Variants in R3HDM1 observed in about 807,000 individuals in gnomAD.
R3HDM1 encodes the protein R3H domain containing 1, also known as R3H domain-containing protein 1.
A neutral mutation model predicts 141.1 loss-of-function variants in R3HDM1; 46 were observed. The ratio of observed to expected loss-of-function variants is 0.33; its 90% confidence interval spans 0.26 to 0.42. The LOEUF is 0.42. Ranked by LOEUF, R3HDM1 falls within the 10% of genes least tolerant of loss-of-function variation. R3HDM1 has a pLI of 1.00. For synonymous variants in R3HDM1, 435 were observed against 472.9 expected (o/e 0.92, Z 1.04); for missense variants, 1,184 against 1,368.3 (o/e 0.87, Z 2.12).
chr2:135,549,485 C>T (rs1474438204), intron 1 of R3HDM1, among the ~76,000 whole-genome samples: 1 of 143,862 alleles, frequency 7.0e-6, no homozygotes, highest in Non-Finnish European at 1.5e-5. Flanking sequence ...CCCTTGAACT[C>T]GGGAGGCGGA....
chr2:135,566,764 C>G (rs1460520089), intron 1 of R3HDM1: 2 of 985,086 alleles, frequency 2.0e-6, no homozygotes, highest in Non-Finnish European at 2.4e-6. Flanking sequence ...ACTGTAAGCC[C>G]AGCGCGGTGG....
At position 135,709,474 on chromosome 2, in the gene R3HDM1, T is replaced by C; in HGVS notation, c.2501T>C (p.Val834Ala). 2 of 1,614,174 alleles carry C rather than the reference T, an allele frequency of 1.2e-6. No homozygotes were observed. Among genetic ancestry groups the C allele is most frequent in the East Asian group, 2.2e-5 (1 of 44,888 alleles). Residue 834 changes from valine to alanine, a missense_variant, in exon 22 of 27, where the codon GTA becomes GCA. This residue lies in a region of R3HDM1 where 563 missense variants were observed against 562.0 expected (regional missense o/e 1.00). Transcript: ENST00000683871. ...GYLQHPGSEQ[V>A]QFPRTTSPCS... ...CTGCAACATCCAGGATCAGAACAAG[T>C]ACAATTTCCTCGAACCACTTCACCA... is the stretch of plus-strand genomic sequence containing the variant.
At chr2:135,656,742 T>C (rs1461461324) in intron 18 of R3HDM1, among the ~76,000 whole-genome samples, 6 of 152,194 alleles carry the variant, frequency 3.9e-5, no homozygotes, top group Admixed American at 3.9e-4. Flanking sequence ...TGTTGCCATA[T>C]ACATTGCATC....
chr2:135,706,857 A>G (rs549509240), intron 21 of R3HDM1, among the ~76,000 whole-genome samples: 7 of 152,190 alleles, frequency 4.6e-5, no homozygotes, highest in African/African-American at 1.7e-4. Context: ...CAAAACCGCC[A>G]TTGTCATCAT....
chr2:135,604,864 G>C lies in R3HDM1; in HGVS notation c.19G>C (p.Val7Leu). ...TTTTCTAATGAGGATGTCTGATACT[G>C]TTACTGTAAAAGATGAAACTGCAAC... MRMSDT[V>L]TVKDETATMK... The change falls in exon 3 of 27, where the codon GTT becomes CTT. Residue 7 changes from valine (V) to leucine (L), a missense_variant. Physicochemically the swap from Val to Leu is conservative, Grantham distance 32. Around this residue, in one of 5 missense-constraint regions of R3HDM1, gnomAD observed 192 missense variants for 215.7 expected, o/e 0.89. Transcript: ENST00000683871. 6.2e-7 allele frequency: 1 copy of C among 1,612,244 alleles called. No homozygotes were observed. The highest frequency in any genetic ancestry group is 8.5e-7 in the Non-Finnish European group (1 of 1,178,890).
At chr2:135,639,788 G>A (rs1165665477) in intron 14 of R3HDM1, among the ~76,000 whole-genome samples, 7 of 152,008 alleles carry the variant, frequency 4.6e-5, no homozygotes, top group Admixed American at 2.6e-4. Context: ...CAAAATAAGC[G>A]TGAAAGTCAA....
chr2:135,675,653 C>T (rs112943765), intron 20 of R3HDM1, among the ~76,000 whole-genome samples, 167 bp downstream of exon 20: 1 of 151,836 alleles, frequency 6.6e-6, no homozygotes, highest in South Asian at 2.1e-4. Flanking sequence ...ACTTTATAGT[C>T]AAGAGTTTTA....
chr2:135,597,182 C>T, intron 1 of R3HDM1: 1 of 972,996 alleles, frequency 1.0e-6, no homozygotes, highest in Non-Finnish European at 1.2e-6. Context: ...CTTATAATGT[C>T]CTCCTAAAAT....
chr2:135,684,266 T>A (rs892897457), intron 21 of R3HDM1, among the ~76,000 whole-genome samples: 1 of 152,064 alleles, frequency 6.6e-6, no homozygotes, highest in Admixed American at 6.5e-5. Flanking sequence ...AATTTTTGTA[T>A]TTTTAGTAGA....
At position 135,638,721 on chromosome 2, in the gene R3HDM1, C is replaced by G. The variant is rs1200083769; in HGVS notation, c.942-18C>G. On this transcript the variant is annotated intron_variant, in intron 12 of 26. Transcript: ENST00000683871. The stretch of plus-strand genomic sequence containing the variant: ...TGATGCTAATAAAAATTAAAATGTC[C>G]TATTAAAATGCCAACAGACTCCAAG... 2.5e-6 allele frequency: 4 copies of G among 1,613,586 alleles called. No individual in the cohort carries two copies. The highest frequency in any genetic ancestry group is 3.4e-6 in the Non-Finnish European group (4 of 1,179,792).
At chr2:135,555,774 C>G (rs1221988123) in intron 1 of R3HDM1, among the ~76,000 whole-genome samples, 1 of 152,164 alleles carries the variant, frequency 6.6e-6, no homozygotes, top group African/African-American at 2.4e-5. Context: ...ATCTGTAATC[C>G]TAGCACTTTG....
chr2:135,673,339 C>T (rs961471437), intron 19 of R3HDM1, among the ~76,000 whole-genome samples: 59 of 152,130 alleles, frequency 3.9e-4, no homozygotes, highest in African/African-American at 1.4e-3. Flanking sequence ...CTGCAATAGA[C>T]GTGTATGTGT....
intron 1 of R3HDM1, among the ~76,000 whole-genome samples, chr2:135,542,286 G>A (rs1305782411): frequency 6.6e-6 from 1 of 152,144 alleles, no homozygotes; most frequent in African/African-American, 2.4e-5. Flanking sequence ...ATTTTTAAAT[G>A]AATATCCTCT....
At position 135,703,751 on chromosome 2, in the gene R3HDM1, A is replaced by G. The variant is rs140995799; in HGVS notation, c.2460-5682A>G. 3.3e-3 allele frequency among the ~76,000 whole-genome samples: 497 copies of G among 152,340 alleles called. 2 individuals are homozygous for G. Among genetic ancestry groups the G allele is most frequent in the African/African-American group, 0.011 (469 of 41,574 alleles). Reference sequence around the variant, plus strand: ...CATTTAAAGGAAAACCCAAAAAATGACACATTAAAGATTTTGACATTTATT... The same window carrying G: ...CATTTAAAGGAAAACCCAAAAAATGGCACATTAAAGATTTTGACATTTATT... On this transcript the variant is annotated intron_variant, in intron 21 of 26. Coordinates refer to ENST00000683871, the MANE Select transcript of R3HDM1 (RefSeq NM_001378107.1).
chr2:135,645,366 T>C lies in R3HDM1; in HGVS notation c.1475-13T>C, dbSNP rs376520279. 36 of 1,579,160 alleles carry C rather than the reference T, an allele frequency of 2.3e-5. No individual in the cohort carries two copies. The African/African-American group carries it at 4.6e-4, about 20-fold the overall frequency. ...TTCTAAGTTATTTTTTTCCCTCTTTTTGAATTTTTCAGGTCAGCCCTTCAT... is the reference window on the plus strand; with the variant it reads ...TTCTAAGTTATTTTTTTCCCTCTTTCTGAATTTTTCAGGTCAGCCCTTCAT... On this transcript the variant is annotated splice_polypyrimidine_tract_variant and intron_variant, in intron 15 of 26. Transcript: ENST00000683871.
At chr2:135,531,748 TGTG>T (rs1224633047) in intron 1 of R3HDM1, 115 bp downstream of exon 1, 1 of 985,096 alleles carries the variant, frequency 1.0e-6, no homozygotes, top group African/African-American at 1.8e-5. Flanking sequence ...AGGGGAGAGA[TGTG>T]GTGTGTGGAA....
At chr2:135,607,396 C>G (rs939549046) in intron 3 of R3HDM1, 4 of 933,766 alleles carry the variant, frequency 4.3e-6, no homozygotes, top group South Asian at 9.9e-5. Flanking sequence ...ATTCCTCCAG[C>G]TATAAAAAAA....
At chr2:135,555,582 A>G (rs1700597369) in intron 1 of R3HDM1, among the ~76,000 whole-genome samples, 1 of 152,228 alleles carries the variant, frequency 6.6e-6, no homozygotes. Context: ...ACCAAGGGAA[A>G]TGAAAATATG....
intron 3 of R3HDM1, chr2:135,605,633 A>T (rs1046344823): frequency 2.0e-5 from 3 of 152,172 alleles, no homozygotes; most frequent in Admixed American, 2.0e-4. Context: ...AAGGTTTTCC[A>T]GTTATCTATT....
Sources: gnomAD v4.1 joint callset for allele counts (sites outside exome capture counted in the v4.1 genomes callset) on GRCh38, gnomAD v4.1.1 for gene constraint, gnomAD v4.1.1 regional missense constraint, MANE v1.5 for transcripts, NCBI Gene and HGNC (gene_info 2026-07-23, HGNC 2026-07-21) for gene names.